The following RBFOX1 variants were observed in gnomAD, a reference collection of about 807,000 sequenced individuals.
RBFOX1 encodes RNA binding protein fox-1 homolog 1.
In RBFOX1, 8 loss-of-function variants were observed where a neutral mutation model predicts 57.7. That is an observed-to-expected ratio of 0.14 (90% CI 0.08 to 0.25). The LOEUF is 0.25. Ranked by LOEUF, RBFOX1 falls within the 10% of genes least tolerant of loss-of-function variation. The pLI, the probability that RBFOX1 is intolerant of heterozygous loss-of-function variation, is 1.00. For synonymous variants in RBFOX1, 326 were observed against 222.4 expected (o/e 1.47, Z -4.15); for missense variants, 611 against 548.5 (o/e 1.11, Z -1.14).
At chr16:7,137,019 C>T (rs1375455807) in intron 4 of RBFOX1, among the ~76,000 whole-genome samples, 2 of 152,184 alleles carry the variant, frequency 1.3e-5, no homozygotes, top group African/African-American at 4.8e-5. Context: ...CTTTTGTTTG[C>T]CAACTGGACA....
At chr16:5,833,494 C>CA (rs1183168830) in intron 3 of RBFOX1, among the ~76,000 whole-genome samples, 4,957 of 58,528 alleles carry the variant, frequency 0.085, 159 homozygotes, top group African/African-American at 0.13. Flanking sequence ...GACTCTATCT[C>CA]AAAAAAAAAA....
intron 4 of RBFOX1, among the ~76,000 whole-genome samples, chr16:7,333,920 T>C (rs1444177712): frequency 2.6e-5 from 4 of 152,166 alleles, no homozygotes; most frequent in Admixed American, 2.6e-4. Flanking sequence ...TTATAATTAG[T>C]TTTTTGAGTA....
intron 3 of RBFOX1, among the ~76,000 whole-genome samples, chr16:6,841,497 G>T (rs12931643): frequency 2.6e-5 from 4 of 151,892 alleles, no homozygotes; most frequent in African/African-American, 7.3e-5. Context: ...TCATTAATGC[G>T]GTAGATCTGG....
At chr16:6,055,885 G>A (rs1279658023) in intron 1 of RBFOX1, among the ~76,000 whole-genome samples, 1 of 152,194 alleles carries the variant, frequency 6.6e-6, no homozygotes, top group Non-Finnish European at 1.5e-5. Flanking sequence ...GTCACCTTGA[G>A]CATTTTACTG....
chr16:6,443,283 C>T (rs547243833), intron 2 of RBFOX1, among the ~76,000 whole-genome samples: 1 of 152,250 alleles, frequency 6.6e-6, no homozygotes, highest in South Asian at 2.1e-4. Context: ...TTCCTGCGTG[C>T]TATCTCTCAC....
At chr16:5,393,144 T>A (rs1007956498) in intron 1 of RBFOX1, among the ~76,000 whole-genome samples, 2 of 152,116 alleles carry the variant, frequency 1.3e-5, no homozygotes, top group African/African-American at 4.8e-5. Flanking sequence ...AATGGACTCT[T>A]GTTCTGTCCC....
At chr16:5,288,290 C>T (rs1328717960) in intron 1 of RBFOX1, among the ~76,000 whole-genome samples, 3 of 152,122 alleles carry the variant, frequency 2.0e-5, no homozygotes, top group Admixed American at 1.3e-4. Context: ...CAAAGAAGGC[C>T]GGCTGTTAGG....
At chr16:6,610,005 C>CACAAAACAAA (rs71145259) in intron 2 of RBFOX1, among the ~76,000 whole-genome samples, 12,776 of 145,360 alleles carry the variant, frequency 0.088, 615 homozygotes, top group Non-Finnish European at 0.093. Flanking sequence ...GAGGCTCTGA[C>CACAAAACAAA]ACAAAACAAA....
At chr16:6,740,471 A>G (rs1360309239) in intron 3 of RBFOX1, among the ~76,000 whole-genome samples, 1 of 152,246 alleles carries the variant, frequency 6.6e-6, no homozygotes, top group Non-Finnish European at 1.5e-5. Flanking sequence ...AGTGGATTCC[A>G]TGGTTATAGA....
chr16:7,184,951 T>G (rs1426716283), intron 4 of RBFOX1, among the ~76,000 whole-genome samples: 1 of 152,188 alleles, frequency 6.6e-6, no homozygotes, highest in Admixed American at 6.5e-5. Flanking sequence ...ACTTTACATA[T>G]GTTACCTCTC....
At chr16:6,997,020 GTTTATA>G (rs1440977608) in intron 3 of RBFOX1, among the ~76,000 whole-genome samples, 2 of 152,106 alleles carry the variant, frequency 1.3e-5, no homozygotes, top group Non-Finnish European at 2.9e-5. Flanking sequence ...ATGTATATAT[GTTTATA>G]TTTATATGCA....
intron 4 of RBFOX1, among the ~76,000 whole-genome samples, chr16:7,267,731 C>T (rs895313137): frequency 2.2e-4 from 34 of 152,072 alleles, no homozygotes; most frequent in African/African-American, 8.0e-4. Context: ...TAGTGCGTGC[C>T]TGTAGTCCCA....
At chr16:7,232,923 C>T (rs2093583372) in intron 4 of RBFOX1, among the ~76,000 whole-genome samples, 1 of 151,750 alleles carries the variant, frequency 6.6e-6, no homozygotes, top group Admixed American at 6.6e-5. Flanking sequence ...GTTAGCAAAC[C>T]CTGTCAAATT....
At chr16:7,230,262 T>A (rs2093422227) in intron 4 of RBFOX1, among the ~76,000 whole-genome samples, 2 of 151,758 alleles carry the variant, frequency 1.3e-5, no homozygotes, top group Admixed American at 6.6e-5. Flanking sequence ...CCAAACAAAA[T>A]AAACAAACAG....
At chr16:5,339,470 G>GATTTTTT in intron 1 of RBFOX1, among the ~76,000 whole-genome samples, 1 of 40,854 alleles carries the variant, frequency 2.4e-5, no homozygotes, top group Non-Finnish European at 4.5e-5. Flanking sequence ...CTTTTTCCGT[G>GATTTTTT]TTTTTTTTTT....
intron 4 of RBFOX1, among the ~76,000 whole-genome samples, chr16:7,172,254 T>C (rs1311036444): frequency 3.9e-5 from 6 of 152,164 alleles, no homozygotes; most frequent in Non-Finnish European, 8.8e-5. Flanking sequence ...TTTACCACCA[T>C]AGGGTTTTCA....
At chr16:7,616,480 C>G (rs1312870842) in intron 10 of RBFOX1, among the ~76,000 whole-genome samples, 2 of 152,222 alleles carry the variant, frequency 1.3e-5, no homozygotes, top group Admixed American at 6.5e-5. Context: ...GTGTGAGGAA[C>G]AGGAATTCAC....
intron 2 of RBFOX1, among the ~76,000 whole-genome samples, chr16:6,447,189 T>G (rs1234195450): frequency 1.3e-5 from 2 of 152,192 alleles, no homozygotes; most frequent in Non-Finnish European, 2.9e-5. Flanking sequence ...ATTTCCTATC[T>G]GTGTTTGTGT....
intron 4 of RBFOX1, among the ~76,000 whole-genome samples, chr16:7,383,037 G>A (rs534818065): frequency 1.3e-5 from 2 of 152,058 alleles, no homozygotes; most frequent in African/African-American, 2.4e-5. Context: ...TGCCTAAAGA[G>A]TAGAGAATTT....
Sources: allele counts gnomAD v4.1 joint callset (sites outside exome capture counted in the v4.1 genomes callset), GRCh38; gene constraint gnomAD v4.1.1; transcripts MANE v1.5; gene names NCBI Gene and HGNC (gene_info 2026-07-23, HGNC 2026-07-21).